Variants in PLSCR1 observed in about 807,000 individuals in gnomAD.
PLSCR1 encodes PL scramblase 1.
Under a neutral mutation model 37.8 loss-of-function variants are expected in PLSCR1, and 17 were observed. The ratio of observed to expected loss-of-function variants is 0.45; its 90% CI spans 0.31 to 0.68. The LOEUF (loss-of-function observed/expected upper bound fraction) is 0.68, where lower values mean the gene tolerates loss of function less well. Among genes scored for constraint, PLSCR1 ranks in the 30% least tolerant of loss-of-function variants. The pLI is 0.06. For missense variants in PLSCR1, 347 were observed against 380.9 expected (o/e 0.91, Z 0.74); for synonymous variants, 116 against 125.9 (o/e 0.92, Z 0.53).
At chr3:146,535,105 A>C (rs904588624) in intron 2 of PLSCR1, among the ~76,000 whole-genome samples, 1 of 152,056 alleles carries the variant, frequency 6.6e-6, no homozygotes, top group Non-Finnish European at 1.5e-5. Context: ...CCTACTCCCA[A>C]ATTAAGTTGG....
intron 2 of PLSCR1, among the ~76,000 whole-genome samples, chr3:146,534,565 C>G (rs950203046): frequency 6.6e-6 from 1 of 152,066 alleles, no homozygotes; most frequent in African/African-American, 2.4e-5. Context: ...TTCCCCCACC[C>G]CCTGCCCCGG....
chr3:146,530,165 C>CTGTGT (rs1194024777), intron 3 of PLSCR1, among the ~76,000 whole-genome samples: 1 of 152,098 alleles, frequency 6.6e-6, no homozygotes, highest in African/African-American at 2.4e-5. Context: ...TTTCAAAGGA[C>CTGTGT]TGTGTTTCTC....
chr3:146,533,185 T>C (rs563506481), intron 3 of PLSCR1, among the ~76,000 whole-genome samples: 1 of 152,344 alleles, frequency 6.6e-6, no homozygotes, highest in Non-Finnish European at 1.5e-5. Flanking sequence ...CAGTCTTGTA[T>C]TTCATTTGCT....
At chr3:146,540,346 T>G (rs1160727470) in intron 1 of PLSCR1, among the ~76,000 whole-genome samples, 1 of 152,190 alleles carries the variant, frequency 6.6e-6, no homozygotes, top group Non-Finnish European at 1.5e-5. Context: ...TCAGAAATCA[T>G]AAGTTCCCAT....
chr3:146,542,303 G>A (rs1428435879), intron 1 of PLSCR1, among the ~76,000 whole-genome samples: 2 of 152,096 alleles, frequency 1.3e-5, no homozygotes, highest in East Asian at 1.9e-4. Context: ...TCACCCACAC[G>A]TCTATAGACT....
At chr3:146,539,376 T>G (rs1461912683) in intron 1 of PLSCR1, among the ~76,000 whole-genome samples, 1 of 152,182 alleles carries the variant, frequency 6.6e-6, no homozygotes, top group Non-Finnish European at 1.5e-5. Flanking sequence ...CTTTGCTCAC[T>G]CTCCAGCTGC....
intron 1 of PLSCR1, chr3:146,540,761 A>T (rs2044327862): frequency 6.6e-6 from 1 of 152,148 alleles, no homozygotes. Flanking sequence ...TGCTCTGAAA[A>T]CAAGAATTCT....
intron 1 of PLSCR1, chr3:146,538,030 T>C (rs2044289481): frequency 6.6e-6 from 1 of 152,216 alleles, no homozygotes; most frequent in Non-Finnish European, 1.5e-5. Context: ...TAATTCAAAA[T>C]GGGTTTATGT....
chr3:146,533,586 A>C, intron 2 of PLSCR1, 36 bp from the exon 3 acceptor site: 1 of 1,176,632 alleles, frequency 8.5e-7, no homozygotes, highest in Non-Finnish European at 1.3e-6. Flanking sequence ...ATGTCTGATT[A>C]AATAAAATAT....
intron 1 of PLSCR1, among the ~76,000 whole-genome samples, chr3:146,538,338 C>G (rs1019268996): frequency 6.6e-6 from 1 of 152,126 alleles, no homozygotes; most frequent in African/African-American, 2.4e-5. Context: ...TTTTGTCAAT[C>G]TCACATTTCT....
chr3:146,544,295 C>A (rs1406018193), intron 1 of PLSCR1, among the ~76,000 whole-genome samples, 172 bp downstream of exon 1: 1 of 152,186 alleles, frequency 6.6e-6, no homozygotes, highest in Non-Finnish European at 1.5e-5. Flanking sequence ...CTGGCCCCAA[C>A]CTTCACCCCA....
At chr3:146,533,583 A>C (rs774878343) in intron 2 of PLSCR1, 33 bp from the exon 3 acceptor site, 1 of 1,181,338 alleles carries the variant, frequency 8.5e-7, no homozygotes, top group South Asian at 1.3e-5. Flanking sequence ...TAGATGTCTG[A>C]TTAAATAAAA....
chr3:146,531,330 A>G (rs1049276714), intron 3 of PLSCR1, among the ~76,000 whole-genome samples: 16 of 152,244 alleles, frequency 1.1e-4, no homozygotes, highest in Non-Finnish European at 1.6e-4. Context: ...GGAAAAGGCC[A>G]TCCTGAGTTT....
intron 3 of PLSCR1, among the ~76,000 whole-genome samples, chr3:146,531,174 A>C (rs918334491): frequency 6.6e-6 from 1 of 152,202 alleles, no homozygotes. Flanking sequence ...GATGCACAGG[A>C]GTTCAGGAGG....
chr3:146,540,790 G>A (rs1030706919), intron 1 of PLSCR1: 9 of 151,960 alleles, frequency 5.9e-5, no homozygotes, highest in African/African-American at 1.2e-4. Flanking sequence ...AACTTCCTCC[G>A]AATAACTGAG....
rs57972218 is a variant in PLSCR1 at position 146,520,913 on chromosome 3, G to C, written c.738+631C>G. On this transcript the variant is annotated intron_variant, in intron 7 of 8. Coordinates refer to ENST00000342435, the MANE Select transcript of PLSCR1 (RefSeq NM_021105.3). ...TAAACATTTGCAATGAAAAAATTTGGATTGTAAAAGTAGACCATCTGTTGT... is the reference window on the plus strand; with the variant it reads ...TAAACATTTGCAATGAAAAAATTTGCATTGTAAAAGTAGACCATCTGTTGT... Among the ~76,000 whole-genome samples the C allele has an allele frequency of 3.2e-3, 483 of 152,056 alleles. 3 individuals are homozygous for C. The highest frequency in any genetic ancestry group is 0.011 in the African/African-American group (466 of 41,476).
chr3:146,531,990 A>T (rs915166468), intron 3 of PLSCR1, among the ~76,000 whole-genome samples: 2 of 152,200 alleles, frequency 1.3e-5, no homozygotes, highest in African/African-American at 4.8e-5. Context: ...TAAGAATTAA[A>T]AGTGTTAGTC....
chr3:146,531,221 T>G (rs916708849), intron 3 of PLSCR1, among the ~76,000 whole-genome samples: 1 of 152,196 alleles, frequency 6.6e-6, no homozygotes, highest in African/African-American at 2.4e-5. Context: ...AGCAACGTCC[T>G]GGGACAGTAA....
intron 5 of PLSCR1, among the ~76,000 whole-genome samples, chr3:146,525,234 A>G (rs2044090340): frequency 6.6e-6 from 1 of 152,226 alleles, no homozygotes; most frequent in Non-Finnish European, 1.5e-5. Context: ...CCTCATCCAA[A>G]TAAAAAAGAT....
Sources: allele counts gnomAD v4.1 joint callset (sites outside exome capture counted in the v4.1 genomes callset), GRCh38; gene constraint gnomAD v4.1.1; transcripts MANE v1.5; gene names NCBI Gene and HGNC (gene_info 2026-07-23, HGNC 2026-07-21).